Variants in DPYD observed in about 807,000 individuals in gnomAD.
DPYD encodes dihydropyrimidine dehydrogenase [NADP(+)].
Under a neutral mutation model 116.2 loss-of-function variants are expected in DPYD, and 109 were observed. The ratio of observed to expected loss-of-function variants is 0.94; its 90% CI spans 0.80 to 1.10. The LOEUF (loss-of-function observed/expected upper bound fraction) is 1.10. Among genes scored for constraint, DPYD ranks in the 50% least tolerant of loss-of-function variants. The pLI is 0.00. For missense variants in DPYD, 1,302 were observed against 1,254.5 expected (o/e 1.04, Z -0.57); for synonymous variants, 440 against 432.0 (o/e 1.02, Z -0.23).
At chr1:97,093,886 T>C (rs1470294202) in intron 21 of DPYD, among the ~76,000 whole-genome samples, 3 of 151,984 alleles carry the variant, frequency 2.0e-5, no homozygotes, top group African/African-American at 7.2e-5. Flanking sequence ...TAATATATTG[T>C]TTAGACTCCT....
chr1:97,500,159 G>A (rs1467770972), intron 13 of DPYD, among the ~76,000 whole-genome samples: 1 of 151,890 alleles, frequency 6.6e-6, no homozygotes, highest in Non-Finnish European at 1.5e-5. Context: ...CAAACTTCTA[G>A]AACTTTTAGT....
At chr1:97,668,278 G>A (rs990005859) in intron 8 of DPYD, among the ~76,000 whole-genome samples, 5 of 152,038 alleles carry the variant, frequency 3.3e-5, no homozygotes, top group African/African-American at 7.2e-5. Flanking sequence ...GCCAAGAGTA[G>A]GGCTTTGGTT....
intron 18 of DPYD, among the ~76,000 whole-genome samples, chr1:97,235,614 ACT>A (rs147059777): frequency 0.039 from 5,916 of 152,230 alleles, 362 homozygotes; most frequent in African/African-American, 0.14. Context: ...ACAGAGTGAG[ACT>A]CTGTCTCAAA....
chr1:97,717,226 A>T (rs561330807), intron 5 of DPYD, among the ~76,000 whole-genome samples: 2 of 152,266 alleles, frequency 1.3e-5, no homozygotes, highest in East Asian at 3.9e-4. Context: ...TACTGCAAAT[A>T]GTATATGCTG....
intron 19 of DPYD, among the ~76,000 whole-genome samples, chr1:97,218,728 A>G (rs1009965286): frequency 2.6e-5 from 4 of 152,156 alleles, no homozygotes; most frequent in African/African-American, 9.7e-5. Flanking sequence ...GAAAACAAGA[A>G]TAAAATAATG....
At chr1:97,111,815 C>T (rs1323042302) in intron 20 of DPYD, among the ~76,000 whole-genome samples, 1 of 152,072 alleles carries the variant, frequency 6.6e-6, no homozygotes, top group Non-Finnish European at 1.5e-5. Context: ...CATTTATACA[C>T]AGTACAGTCT....
intron 16 of DPYD, among the ~76,000 whole-genome samples, chr1:97,317,093 T>C (rs531466864): frequency 1.3e-5 from 2 of 152,120 alleles, no homozygotes; most frequent in Admixed American, 1.3e-4. Flanking sequence ...TAGTTTATTC[T>C]TTTGTTGAAT....
At chr1:97,297,694 T>C (rs1181787302) in intron 18 of DPYD, among the ~76,000 whole-genome samples, 1 of 152,214 alleles carries the variant, frequency 6.6e-6, no homozygotes, top group Non-Finnish European at 1.5e-5. Flanking sequence ...GCACTGCTGT[T>C]TCCCACACTT....
At chr1:97,349,396 G>T (rs1670019712) in intron 16 of DPYD, among the ~76,000 whole-genome samples, 1 of 151,312 alleles carries the variant, frequency 6.6e-6, no homozygotes, top group African/African-American at 2.4e-5. Flanking sequence ...TGCACAACGT[G>T]CAGGTTTGTT....
At chr1:97,307,481 T>G (rs1293146675) in intron 16 of DPYD, among the ~76,000 whole-genome samples, 2 of 151,880 alleles carry the variant, frequency 1.3e-5, no homozygotes, top group Non-Finnish European at 2.9e-5. Context: ...TTAATGTGTC[T>G]TGATCCATCA....
intron 15 of DPYD, among the ~76,000 whole-genome samples, chr1:97,381,782 T>G (rs1267221028): frequency 6.6e-6 from 1 of 152,142 alleles, no homozygotes; most frequent in Non-Finnish European, 1.5e-5. Context: ...AAGTGTATAA[T>G]TTTAAGTATG....
intron 12 of DPYD, among the ~76,000 whole-genome samples, chr1:97,539,803 A>C (rs1368592542): frequency 1.3e-5 from 2 of 152,178 alleles, no homozygotes; most frequent in Non-Finnish European, 2.9e-5. Flanking sequence ...ATCTGGGATT[A>C]TAATTTAGAA....
At chr1:97,570,906 G>A (rs1255786778) in intron 11 of DPYD, among the ~76,000 whole-genome samples, 1 of 151,876 alleles carries the variant, frequency 6.6e-6, no homozygotes, top group African/African-American at 2.4e-5. Context: ...CTCAGTAAAT[G>A]TTTGTCACAT....
chr1:97,622,672 G>T (rs1018651284), intron 8 of DPYD, among the ~76,000 whole-genome samples: 4 of 151,924 alleles, frequency 2.6e-5, no homozygotes, highest in African/African-American at 9.7e-5. Context: ...AACTGAATGT[G>T]GACTCCAGCG....
chr1:97,579,512 A>G (rs1448340021), intron 10 of DPYD, among the ~76,000 whole-genome samples: 1 of 152,242 alleles, frequency 6.6e-6, no homozygotes, highest in Non-Finnish European at 1.5e-5. Flanking sequence ...CTGCTATCAG[A>G]AAACATGGAC....
At chr1:97,762,252 A>C (rs1167070534) in intron 3 of DPYD, among the ~76,000 whole-genome samples, 2 of 152,202 alleles carry the variant, frequency 1.3e-5, no homozygotes, top group Admixed American at 1.3e-4. Context: ...AATTTAGTGA[A>C]TTGGAATATG....
intron 13 of DPYD, among the ~76,000 whole-genome samples, chr1:97,484,750 T>G (rs1678523476): frequency 6.6e-6 from 1 of 152,240 alleles, no homozygotes; most frequent in Admixed American, 6.5e-5. Context: ...TTAAAATACA[T>G]ATTTACTTTG....
intron 1 of DPYD, among the ~76,000 whole-genome samples, chr1:97,908,624 C>CACCA (rs1319020607): frequency 5.9e-5 from 9 of 152,056 alleles, no homozygotes; most frequent in Non-Finnish European, 1.0e-4. Flanking sequence ...CCACTGCAGC[C>CACCA]ACCATCACCC....
intron 11 of DPYD, among the ~76,000 whole-genome samples, chr1:97,551,131 T>G (rs912570673): frequency 7.9e-5 from 12 of 152,190 alleles, no homozygotes; most frequent in African/African-American, 2.9e-4. Context: ...GATGGGTCAA[T>G]GCTATCATAC....
Sources: gnomAD v4.1 joint callset for allele counts (sites outside exome capture counted in the v4.1 genomes callset) on GRCh38, gnomAD v4.1.1 for gene constraint, MANE v1.5 for transcripts, NCBI Gene and HGNC (gene_info 2026-07-23, HGNC 2026-07-21) for gene names.